FRMD3: variants seen among roughly 807,000 people sequenced by gnomAD.
FRMD3 encodes the protein FERM domain containing 3, also known as FERM domain-containing protein 3.
In FRMD3, 33 loss-of-function variants were observed where a neutral mutation model predicts 70.2. The ratio of observed to expected loss-of-function variants is 0.47; its 90% CI spans 0.36 to 0.63. The LOEUF is 0.63. Ranked by LOEUF, FRMD3 falls within the 20% of genes least tolerant of loss-of-function variation. FRMD3 has a pLI of 0.00. For synonymous variants in FRMD3, 279 were observed against 255.9 expected (o/e 1.09, Z -0.86); for missense variants, 632 against 711.4 (o/e 0.89, Z 1.27).
intron 1 of FRMD3, among the ~76,000 whole-genome samples, chr9:83,400,638 T>C (rs574946669): frequency 9.2e-5 from 14 of 152,252 alleles, no homozygotes; most frequent in Admixed American, 9.2e-4. Flanking sequence ...AGACTTACTA[T>C]AAAGTTACAG....
chr9:83,511,012 G>A (rs952537793), intron 1 of FRMD3, among the ~76,000 whole-genome samples: 2 of 152,152 alleles, frequency 1.3e-5, no homozygotes, highest in East Asian at 1.9e-4. Flanking sequence ...TGTACGTTAC[G>A]TGTATTAGAT....
Position 83,248,532 on chromosome 9 carries a change from T to A in FRMD3, c.1196-16A>T. ...AATGGAACACCTGTAAAGAGACATT[T>A]TTTTTTCTAAATTTAAAATTTCAGA... On this transcript the variant is annotated splice_polypyrimidine_tract_variant and intron_variant, in intron 13 of 13. Transcript: ENST00000304195. 1 of 1,534,014 alleles carries A rather than the reference T, an allele frequency of 6.5e-7. No homozygotes were observed. The highest frequency in any genetic ancestry group is 8.7e-7 in the Non-Finnish European group (1 of 1,147,836).
At chr9:83,370,774 C>T (rs578046687) in intron 3 of FRMD3, among the ~76,000 whole-genome samples, 5 of 152,120 alleles carry the variant, frequency 3.3e-5, no homozygotes, top group Non-Finnish European at 2.9e-5. Flanking sequence ...TAGCCAGGCA[C>T]GGTAGTGCAC....
intron 3 of FRMD3, among the ~76,000 whole-genome samples, chr9:83,366,953 A>T (rs148169325): frequency 0.015 from 2,326 of 152,176 alleles, 71 homozygotes; most frequent in African/African-American, 0.054. Flanking sequence ...GAATCGCTTG[A>T]ACTCAGGAGG....
At chr9:83,378,262 T>C (rs918570668) in intron 2 of FRMD3, among the ~76,000 whole-genome samples, 1 of 69,342 alleles carries the variant, frequency 1.4e-5, no homozygotes, top group Non-Finnish European at 3.0e-5. Context: ...TTCTTTTTTG[T>C]TTTTTTTGTT....
intron 1 of FRMD3, among the ~76,000 whole-genome samples, chr9:83,491,515 C>T (rs924454244): frequency 6.6e-6 from 1 of 152,096 alleles, no homozygotes; most frequent in East Asian, 1.9e-4. Flanking sequence ...CTTTCGACCA[C>T]CTGGGAGAGA....
At chr9:83,272,747 C>T (rs1464703458) in intron 13 of FRMD3, among the ~76,000 whole-genome samples, 1 of 150,990 alleles carries the variant, frequency 6.6e-6, no homozygotes, top group African/African-American at 2.4e-5. Flanking sequence ...GCGTCTCTGC[C>T]CGGCCGCCCA....
the FRMD3 span, among the ~76,000 whole-genome samples, chr9:83,556,739 A>T: frequency 6.6e-6 from 1 of 152,052 alleles, no homozygotes; most frequent in Non-Finnish European, 1.5e-5. Context: ...TCAACTTATT[A>T]AGAGATATTT....
At chr9:83,343,746 A>G (rs917598052) in intron 4 of FRMD3, among the ~76,000 whole-genome samples, 2 of 152,272 alleles carry the variant, frequency 1.3e-5, no homozygotes, top group Non-Finnish European at 2.9e-5. Context: ...AGAGAGACAC[A>G]TTAATCAACC....
At chr9:83,414,336 C>A (rs1826368512) in intron 1 of FRMD3, among the ~76,000 whole-genome samples, 1 of 151,908 alleles carries the variant, frequency 6.6e-6, no homozygotes, top group South Asian at 2.1e-4. Flanking sequence ...AAAAATCAAT[C>A]CAAGATAGAT....
At chr9:83,412,038 C>T (rs956067682) in intron 1 of FRMD3, among the ~76,000 whole-genome samples, 1 of 152,214 alleles carries the variant, frequency 6.6e-6, no homozygotes, top group Admixed American at 6.5e-5. Flanking sequence ...CCATCCCTTT[C>T]AGTTATTACC....
At chr9:83,515,741 G>A (rs1305485792) in intron 1 of FRMD3, among the ~76,000 whole-genome samples, 3 of 152,204 alleles carry the variant, frequency 2.0e-5, no homozygotes, top group East Asian at 1.9e-4. Context: ...TACCCACAAA[G>A]GGAAGCCCAT....
intron 3 of FRMD3, among the ~76,000 whole-genome samples, chr9:83,354,863 C>T (rs954672499): frequency 3.9e-5 from 6 of 151,924 alleles, no homozygotes; most frequent in African/African-American, 9.7e-5. Flanking sequence ...CCATGAAGTA[C>T]GTGCAATTCT....
chr9:83,453,617 T>C lies in FRMD3; in HGVS notation c.148-63909A>G, dbSNP rs1455530508. 3.3e-5 allele frequency among the ~76,000 whole-genome samples: 5 copies of C among 152,272 alleles called. No homozygotes were observed. The East Asian group carries it at 9.6e-4, about 29-fold the overall frequency. On this transcript the variant is annotated intron_variant, in intron 1 of 13. Transcript: ENST00000304195. ...CAGATAAAAAGAATATAAAATCTCA[T>C]TCATAATTTTTTAACATTGGTTATG...
chr9:83,391,072 C>A (rs964753187), intron 1 of FRMD3, among the ~76,000 whole-genome samples: 3 of 152,194 alleles, frequency 2.0e-5, no homozygotes, highest in African/African-American at 7.2e-5. Flanking sequence ...GCCTGGGATG[C>A]GCTGCACTGA....
chr9:83,517,292 C>A (rs1468598714), intron 1 of FRMD3, among the ~76,000 whole-genome samples: 1 of 151,954 alleles, frequency 6.6e-6, no homozygotes, highest in Non-Finnish European at 1.5e-5. Flanking sequence ...TAGGGAAGAT[C>A]ACCACGGATC....
At chr9:83,576,011 G>A in the FRMD3 span, among the ~76,000 whole-genome samples, 1 of 151,782 alleles carries the variant, frequency 6.6e-6, no homozygotes, top group Non-Finnish European at 1.5e-5. Flanking sequence ...TCGAAGCCAG[G>A]AGTTTGGGCA....
At chr9:83,325,155 T>TCAGAGGGTGA (rs1835961903) in intron 6 of FRMD3, among the ~76,000 whole-genome samples, 1 of 152,152 alleles carries the variant, frequency 6.6e-6, no homozygotes, top group South Asian at 2.1e-4. Flanking sequence ...CACTGGAGAC[T>TCAGAGGGTGA]CAGAGGGTGA....
chr9:83,402,915 T>TG (rs1564060057), intron 1 of FRMD3, among the ~76,000 whole-genome samples: 5 of 143,564 alleles, frequency 3.5e-5, no homozygotes. Context: ...TTTTTTTTTT[T>TG]TTTTTTGAGA....
Sources: allele counts gnomAD v4.1 joint callset (sites outside exome capture counted in the v4.1 genomes callset), GRCh38; gene constraint gnomAD v4.1.1; transcripts MANE v1.5; gene names NCBI Gene and HGNC (gene_info 2026-07-23, HGNC 2026-07-21).